KCNK9: variants seen among roughly 807,000 people sequenced by gnomAD.
KCNK9 encodes potassium two pore domain channel subfamily K member 9, also known as potassium channel subfamily K member 9.
Under a neutral mutation model 10.8 loss-of-function variants are expected in KCNK9, and 1 was observed. The ratio of observed to expected loss-of-function variants is 0.09; its 90% CI spans 0.03 to 0.44. The LOEUF is 0.44. KCNK9 is among the 20% of genes least tolerant of loss of function. The pLI is 0.97. For synonymous variants in KCNK9, 231 were observed against 222.7 expected (o/e 1.04, Z -0.33); for missense variants, 303 against 515.0 (o/e 0.59, Z 3.98).
chr8:139,650,721 AC>A (rs1815837029), intron 1 of KCNK9, among the ~76,000 whole-genome samples: 1 of 152,030 alleles, frequency 6.6e-6, no homozygotes, highest in Non-Finnish European at 1.5e-5. Context: ...ACAACCACAC[AC>A]CCCTGAGAAA....
At chr8:139,605,704 T>G (rs1277766448) in intron 2 of KCNK9, among the ~76,000 whole-genome samples, 2 of 152,212 alleles carry the variant, frequency 1.3e-5, no homozygotes, top group African/African-American at 4.8e-5. Flanking sequence ...ATTAAATGAT[T>G]TTTTTTCTGT....
At chr8:139,655,270 A>T (rs1013747806) in intron 1 of KCNK9, among the ~76,000 whole-genome samples, 2 of 152,144 alleles carry the variant, frequency 1.3e-5, no homozygotes, top group South Asian at 4.2e-4. Context: ...CCTCACCCAG[A>T]CCTCACTCGG....
intron 1 of KCNK9, among the ~76,000 whole-genome samples, chr8:139,629,679 G>T (rs544882987): frequency 2.5e-4 from 38 of 152,236 alleles, no homozygotes; most frequent in African/African-American, 9.1e-4. Flanking sequence ...ACAATGAAAG[G>T]GGGGGAAGAT....
intron 1 of KCNK9, among the ~76,000 whole-genome samples, chr8:139,649,844 C>A (rs1295267787): frequency 1.3e-5 from 2 of 152,190 alleles, no homozygotes; most frequent in Non-Finnish European, 2.9e-5. Flanking sequence ...CGGCAAAGAA[C>A]AAAGTGGTAC....
At chr8:139,605,832 C>T (rs1265616293) in intron 2 of KCNK9, among the ~76,000 whole-genome samples, 1 of 152,124 alleles carries the variant, frequency 6.6e-6, no homozygotes, top group Non-Finnish European at 1.5e-5. Flanking sequence ...GACATGTAAA[C>T]ATTAGTTACT....
intron 1 of KCNK9, among the ~76,000 whole-genome samples, chr8:139,649,028 A>G (rs1237951158): frequency 6.6e-6 from 1 of 152,200 alleles, no homozygotes; most frequent in Non-Finnish European, 1.5e-5. Context: ...AAACCAAACT[A>G]AACCCAACCC....
At chr8:139,610,582 G>A (rs775682555), downstream of KCNK9, among the ~76,000 whole-genome samples, 2 of 152,184 alleles carry the variant, frequency 1.3e-5, no homozygotes, top group African/African-American at 2.4e-5. Flanking sequence ...TCCTCTGCCT[G>A]TCAAAACCCC....
chr8:139,689,699 G>C (rs1269797397), intron 1 of KCNK9, among the ~76,000 whole-genome samples: 1 of 147,248 alleles, frequency 6.8e-6, no homozygotes, highest in Non-Finnish European at 1.5e-5. Flanking sequence ...CTGGAGCGCA[G>C]TGGCGTGATC....
At chr8:139,668,479 T>A (rs1816351503) in intron 1 of KCNK9, among the ~76,000 whole-genome samples, 1 of 149,838 alleles carries the variant, frequency 6.7e-6, no homozygotes, top group Non-Finnish European at 1.5e-5. Context: ...TAGAGTGCAA[T>A]GGCACGATCT....
chr8:139,607,027 C>G (rs1814241132), intron 2 of KCNK9, among the ~76,000 whole-genome samples: 1 of 152,114 alleles, frequency 6.6e-6, no homozygotes, highest in South Asian at 2.1e-4. Flanking sequence ...GTGGGCTGAA[C>G]AAACAAATAT....
chr8:139,677,317 C>T (rs534214175), intron 1 of KCNK9, among the ~76,000 whole-genome samples: 11 of 152,114 alleles, frequency 7.2e-5, no homozygotes, highest in African/African-American at 9.7e-5. Context: ...CACTGAGTCA[C>T]GCCAGGAGAA....
At chr8:139,671,436 A>T (rs1586679968) in intron 1 of KCNK9, among the ~76,000 whole-genome samples, 1 of 151,812 alleles carries the variant, frequency 6.6e-6, no homozygotes, top group Non-Finnish European at 1.5e-5. Flanking sequence ...AGGCGGGAGG[A>T]TGAGTCCCTG....
At chr8:139,657,554 A>AC (rs1563738559) in intron 1 of KCNK9, among the ~76,000 whole-genome samples, 1 of 151,062 alleles carries the variant, frequency 6.6e-6, no homozygotes. Context: ...CTGAACTAAA[A>AC]CCCCCCAGAG....
intron 1 of KCNK9, among the ~76,000 whole-genome samples, chr8:139,623,164 A>G (rs1168295927): frequency 6.6e-6 from 1 of 152,230 alleles, no homozygotes; most frequent in African/African-American, 2.4e-5. Context: ...TATGCTGGAC[A>G]CGTGACACAA....
downstream of KCNK9, chr8:139,612,037 AG>A (rs1340160521): frequency 2.0e-5 from 3 of 152,218 alleles, no homozygotes; most frequent in East Asian, 5.8e-4. Flanking sequence ...AACAAGGACT[AG>A]GGGAGCCCAG....
chr8:139,635,541 G>A (rs1815311477), intron 1 of KCNK9, among the ~76,000 whole-genome samples: 1 of 152,252 alleles, frequency 6.6e-6, no homozygotes, highest in Non-Finnish European at 1.5e-5. Context: ...ACCTTGCAGA[G>A]AGTGAGAGAC....
chr8:139,692,554 A>C (rs965244962), intron 1 of KCNK9, among the ~76,000 whole-genome samples: 1 of 152,168 alleles, frequency 6.6e-6, no homozygotes, highest in Non-Finnish European at 1.5e-5. Context: ...ATTGTCCCAG[A>C]CAGACACCAG....
At chr8:139,668,422 CTTTTTT>C (rs35809199) in intron 1 of KCNK9, among the ~76,000 whole-genome samples, 3 of 140,678 alleles carry the variant, frequency 2.1e-5, no homozygotes, top group Admixed American at 1.4e-4. Context: ...GTAAACAATA[CTTTTTT>C]TTTTTTTTTT....
At chr8:139,639,223 C>T (rs1453199927) in intron 1 of KCNK9, among the ~76,000 whole-genome samples, 2 of 152,216 alleles carry the variant, frequency 1.3e-5, no homozygotes, top group Non-Finnish European at 2.9e-5. Flanking sequence ...ACCGAGCACT[C>T]GCTCTGTGAA....
Sources: gnomAD v4.1 joint callset for allele counts (sites outside exome capture counted in the v4.1 genomes callset) on GRCh38, gnomAD v4.1.1 for gene constraint, MANE v1.5 for transcripts, NCBI Gene and HGNC (gene_info 2026-07-23, HGNC 2026-07-21) for gene names.